Variants in MGST1 observed in about 807,000 individuals in gnomAD.
The protein encoded by MGST1 is glutathione S-transferase 12.
In MGST1, 5 loss-of-function variants were observed where a neutral mutation model predicts 8.9. The observed-to-expected ratio is 0.56, with a 90% CI of 0.29 to 1.19. MGST1 has a LOEUF of 1.19. Among genes scored for constraint, MGST1 ranks in the 50% most tolerant of loss-of-function variants. The pLI is 0.08. For synonymous variants in MGST1, 54 were observed against 67.8 expected (o/e 0.80, Z 1.00); for missense variants, 182 against 187.4 (o/e 0.97, Z 0.17).
chr12:16,559,960 T>TA lies in MGST1; in HGVS notation n.483-29562dup, dbSNP rs910821849. On this transcript the variant is annotated intron_variant and non_coding_transcript_variant, in intron 4 of 4. Coordinates refer to the MGST1 transcript ENST00000538857. This position sits in a 1 kb window ranked among gnomAD's most constrained non-coding sequence, Gnocchi z 4.1. The stretch of plus-strand genomic sequence containing the variant: ...GGGTGACAGAACCAGACCTTGTATT[T>TA]AAAAAAGCAAAAACAAAAACATGAG... Among the ~76,000 whole-genome samples, 41 of 151,694 alleles carry TA rather than the reference T, an allele frequency of 2.7e-4. No individual in the cohort carries two copies. The highest frequency in any genetic ancestry group is 9.4e-4 in the African/African-American group (39 of 41,300).
intron 1 of MGST1, among the ~76,000 whole-genome samples, chr12:16,429,269 C>T: frequency 6.6e-6 from 1 of 152,106 alleles, no homozygotes; most frequent in Non-Finnish European, 1.5e-5. Context: ...AGTTTTCCTT[C>T]AATATTTCAA....
Position 16,576,147 on chromosome 12 carries a change from C to T in MGST1, n.483-13381C>T, listed in dbSNP as rs1942989926. Among the ~76,000 whole-genome samples the T allele has an allele frequency of 6.6e-6, 1 of 152,160 alleles. No homozygotes were observed. The highest frequency in any genetic ancestry group is 1.5e-5 in the Non-Finnish European group (1 of 68,032). ...AACATCTTTCCACCAGCCTGCCCTG[C>T]CCTGCTGTCCGCCTTCCACTCTGCA... is the stretch of plus-strand genomic sequence containing the variant. On this transcript the variant is annotated intron_variant and non_coding_transcript_variant, in intron 4 of 4. Coordinates refer to the MGST1 transcript ENST00000538857. This position sits in a 1 kb window ranked among gnomAD's most constrained non-coding sequence, Gnocchi z 4.1.
intron 4 of MGST1, among the ~76,000 whole-genome samples, chr12:16,553,330 C>T (rs1942064164): frequency 6.6e-6 from 1 of 152,074 alleles, no homozygotes; most frequent in Non-Finnish European, 1.5e-5. Context: ...GGCAGTAAAG[C>T]ATGCAGGCTA....
downstream of MGST1, among the ~76,000 whole-genome samples, chr12:16,441,097 A>G (rs1941035324): frequency 6.6e-6 from 1 of 151,876 alleles, no homozygotes; most frequent in Non-Finnish European, 1.5e-5. Context: ...TTTGGATACA[A>G]TTCCTTTGAC....
intron 4 of MGST1, among the ~76,000 whole-genome samples, chr12:16,465,158 G>C (rs1188174867): frequency 6.6e-6 from 1 of 152,214 alleles, no homozygotes; most frequent in Non-Finnish European, 1.5e-5. Flanking sequence ...GGTATGGTTT[G>C]TGCTTGTACA....
chr12:16,377,048 T>A (rs1359336755), exon 4 of MGST1: 1 of 152,164 alleles, frequency 6.6e-6, no homozygotes, highest in Non-Finnish European at 1.5e-5. Context: ...AAAACTTACA[T>A]TAATTAGATG....
downstream of MGST1, among the ~76,000 whole-genome samples, chr12:16,441,693 C>T (rs571839998): frequency 4.5e-4 from 68 of 151,874 alleles, no homozygotes; most frequent in African/African-American, 1.6e-3. Context: ...CTGAATAATA[C>T]TCCATTGTCT....
At chr12:16,539,231 A>G (rs1385846308) in intron 4 of MGST1, among the ~76,000 whole-genome samples, 2 of 152,276 alleles carry the variant, frequency 1.3e-5, no homozygotes, top group Admixed American at 6.5e-5. Context: ...TTTGTTTCCC[A>G]TCAACTTCAG....
At chr12:16,569,403 T>G (rs1474886779) in intron 4 of MGST1, among the ~76,000 whole-genome samples, 1 of 152,124 alleles carries the variant, frequency 6.6e-6, no homozygotes, top group African/African-American at 2.4e-5. Context: ...AATCATCATG[T>G]CTCTTTCTAC....
At chr12:16,516,019 C>T (rs1029934849) in intron 4 of MGST1, among the ~76,000 whole-genome samples, 2 of 152,108 alleles carry the variant, frequency 1.3e-5, no homozygotes, top group African/African-American at 2.4e-5. Flanking sequence ...TGTAAACCGC[C>T]CCCCACCCTG....
At chr12:16,477,203 G>A (rs1030526867) in intron 4 of MGST1, among the ~76,000 whole-genome samples, 4 of 152,124 alleles carry the variant, frequency 2.6e-5, no homozygotes, top group African/African-American at 9.7e-5. Flanking sequence ...AGTTCATCCT[G>A]CTGTTTTGGT....
At chr12:16,565,807 CAGA>C (rs1942577571) in intron 4 of MGST1, among the ~76,000 whole-genome samples, 2 of 150,818 alleles carry the variant, frequency 1.3e-5, no homozygotes, top group African/African-American at 2.4e-5. Flanking sequence ...AAATTAAAAA[CAGA>C]ACTACCATAT....
At chr12:16,435,820 G>A (rs1940980305) in intron 1 of MGST1, among the ~76,000 whole-genome samples, 1 of 151,748 alleles carries the variant, frequency 6.6e-6, no homozygotes, top group Non-Finnish European at 1.5e-5. Context: ...ATAAAATATA[G>A]AATCTAATGT....
chr12:16,414,395 A>ATTTTTTT (rs66730103), intron 1 of MGST1, among the ~76,000 whole-genome samples: 3 of 94,684 alleles, frequency 3.2e-5, no homozygotes, highest in Non-Finnish European at 6.6e-5. Flanking sequence ...AGGTGTTTTT[A>ATTTTTTT]TTTTTTTTTT....
At chr12:16,352,171 G>C (rs1939497021) in intron 1 of MGST1, among the ~76,000 whole-genome samples, 1 of 152,116 alleles carries the variant, frequency 6.6e-6, no homozygotes, top group African/African-American at 2.4e-5. Flanking sequence ...GATTAACAAA[G>C]GTGATGAAAG....
chr12:16,398,401 T>C (rs1323034122), intron 1 of MGST1, among the ~76,000 whole-genome samples: 1 of 152,228 alleles, frequency 6.6e-6, no homozygotes, highest in Non-Finnish European at 1.5e-5. Context: ...GTGTTGTAGA[T>C]ATGGCCTCCC....
intron 4 of MGST1, among the ~76,000 whole-genome samples, chr12:16,450,030 C>G (rs1000527087): frequency 3.3e-5 from 5 of 151,918 alleles, no homozygotes; most frequent in African/African-American, 7.2e-5. Context: ...AGTAAAGACT[C>G]TCCATTTTCA....
downstream of MGST1, among the ~76,000 whole-genome samples, chr12:16,590,936 A>T (rs541532519): frequency 6.6e-6 from 1 of 152,208 alleles, no homozygotes; most frequent in South Asian, 2.1e-4. Flanking sequence ...CCAAATAAAA[A>T]GACATCCAAA....
intron 4 of MGST1, among the ~76,000 whole-genome samples, chr12:16,506,027 T>C (rs1366637079): frequency 6.6e-6 from 1 of 152,246 alleles, no homozygotes; most frequent in Non-Finnish European, 1.5e-5. Flanking sequence ...CTCTTAATTT[T>C]AAATGATTAG....
Sources: allele counts gnomAD v4.1 joint callset (sites outside exome capture counted in the v4.1 genomes callset), GRCh38; gene constraint gnomAD v4.1.1; non-coding constraint Gnocchi (gnomAD v3.1); transcripts MANE v1.5; gene names NCBI Gene and HGNC (gene_info 2026-07-23, HGNC 2026-07-21).